Variants in CYLC1 observed in about 807,000 individuals in gnomAD.
CYLC1 encodes cylicin-1.
In CYLC1, 2 loss-of-function variants were observed where a neutral mutation model predicts 31.6. The ratio of observed to expected loss-of-function variants is 0.06; its 90% CI spans 0.03 to 0.20. The LOEUF is 0.20. Ranked by LOEUF, CYLC1 falls within the 10% of genes least tolerant of loss-of-function variation. The pLI, the probability that CYLC1 is intolerant of heterozygous loss-of-function variation, is 1.00. For synonymous variants in CYLC1, 185 were observed against 153.0 expected (o/e 1.21, Z -1.54); for missense variants, 595 against 424.1 (o/e 1.40, Z -3.54).
intron 1 of CYLC1, 41 bp downstream of exon 1, chrX:83,861,240 C>A (rs1216195829): frequency 2.1e-6 from 2 of 970,319 alleles, no homozygotes; most frequent in South Asian, 2.2e-5. Context: ...TTTTAAATAG[C>A]CAATATGCTC....
Position 83,876,173 on chromosome X carries a change from A to G in CYLC1, c.1923+1542A>G, listed in dbSNP as rs1482919054. On this transcript the variant is annotated intron_variant, in intron 4 of 4. Coordinates refer to ENST00000329312, the MANE Select transcript of CYLC1 (RefSeq NM_021118.3). ...TTGGAAGATAAAAACATCTTTTATC[A>G]CTCTCAGAAAGCCTGGGTTTCAAGT... Among the ~76,000 whole-genome samples the G allele has an allele frequency of 2.7e-5, 3 of 110,367 alleles. No homozygotes were observed. In the East Asian group the frequency reaches 8.5e-4, roughly 31 times the overall value.
intron 4 of CYLC1, among the ~76,000 whole-genome samples, chrX:83,877,909 A>T (rs868011996): frequency 9.5e-5 from 2 of 21,007 alleles, no homozygotes; most frequent in Non-Finnish European, 2.6e-4. Context: ...AATATATATA[A>T]ATATATATAT....
intron 4 of CYLC1, 51 bp from the exon 5 acceptor site, chrX:83,886,501 A>G: frequency 1.7e-6 from 2 of 1,146,679 alleles, no homozygotes; most frequent in Middle Eastern, 2.4e-4. Flanking sequence ...CTTGATTAAT[A>G]GACAAATAAA....
intron 2 of CYLC1, 141 bp downstream of exon 2, chrX:83,870,046 A>G (rs960593982): frequency 7.1e-6 from 2 of 282,107 alleles, no homozygotes; most frequent in Admixed American, 1.3e-4. Context: ...GCATGTATGC[A>G]TGATATTTAT....
chrX:83,864,033 A>G lies in CYLC1; in HGVS notation c.17+2834A>G, dbSNP rs185818490. ...CATTACACCAATATCTGCCTTCATCATCACATGGCATCCACGTTTTGTCTA... is the reference window on the plus strand; with the variant it reads ...CATTACACCAATATCTGCCTTCATCGTCACATGGCATCCACGTTTTGTCTA... On this transcript the variant is annotated intron_variant, in intron 1 of 4. Transcript: ENST00000329312. Among the ~76,000 whole-genome samples the G allele has an allele frequency of 5.8e-3, 651 of 111,352 alleles. 3 individuals are homozygous for G. Among genetic ancestry groups the G allele is most frequent in the African/African-American group, 0.021 (635 of 30,620 alleles).
intron 4 of CYLC1, among the ~76,000 whole-genome samples, chrX:83,877,363 C>T (rs778150445): frequency 1.8e-5 from 2 of 111,410 alleles, no homozygotes; most frequent in South Asian, 7.4e-4. Context: ...ATCTTCCAGC[C>T]TTGGCTTCCC....
chrX:83,882,996 G>A (rs1337466591), intron 4 of CYLC1, among the ~76,000 whole-genome samples: 1 of 110,004 alleles, frequency 9.1e-6, no homozygotes, highest in Non-Finnish European at 1.9e-5. Flanking sequence ...TTGTTCTTAG[G>A]TTCAAATATT....
At chrX:83,868,136 A>G (rs2031615625) in intron 1 of CYLC1, among the ~76,000 whole-genome samples, 1 of 111,215 alleles carries the variant, frequency 9.0e-6, no homozygotes, top group African/African-American at 3.2e-5. Flanking sequence ...GCAGGATTTC[A>G]CTCCAGATCA....
At chrX:83,881,943 A>G (rs2031914991) in intron 4 of CYLC1, among the ~76,000 whole-genome samples, 1 of 109,898 alleles carries the variant, frequency 9.1e-6, no homozygotes, top group African/African-American at 3.3e-5. Context: ...TGATCTGCCC[A>G]CCTCAGCCTC....
chrX:83,879,945 G>A (rs1291029091), intron 4 of CYLC1, among the ~76,000 whole-genome samples: 1 of 111,613 alleles, frequency 9.0e-6, no homozygotes, highest in Non-Finnish European at 1.9e-5. Flanking sequence ...ATATCTCATT[G>A]GTACTTTAAT....
intron 3 of CYLC1, 93 bp downstream of exon 3, chrX:83,871,663 A>C: frequency 2.4e-6 from 2 of 821,743 alleles, no homozygotes; most frequent in East Asian, 3.5e-5. Flanking sequence ...GAATTTTACT[A>C]CCTGTTGGAA....
At chrX:83,868,591 G>T (rs181044917) in intron 1 of CYLC1, among the ~76,000 whole-genome samples, 1 of 110,770 alleles carries the variant, frequency 9.0e-6, no homozygotes, top group African/African-American at 3.3e-5. Context: ...TGAAATGGTG[G>T]TCAAGAATCA....
intron 4 of CYLC1, among the ~76,000 whole-genome samples, chrX:83,881,145 T>C (rs1949563423): frequency 9.0e-6 from 1 of 111,166 alleles, no homozygotes; most frequent in South Asian, 3.8e-4. Flanking sequence ...TTGTTGTTGT[T>C]GTTGTTGTTG....
chrX:83,881,660 C>T (rs959633500), intron 4 of CYLC1, among the ~76,000 whole-genome samples: 4 of 109,724 alleles, frequency 3.6e-5, no homozygotes, highest in Non-Finnish European at 5.7e-5. Context: ...GAAACATTTT[C>T]GAGATCTTTG....
intron 4 of CYLC1, among the ~76,000 whole-genome samples, chrX:83,877,965 T>C (rs1483577125): frequency 1.2e-4 from 9 of 75,599 alleles, no homozygotes; most frequent in African/African-American, 4.5e-4. Flanking sequence ...TATAAATATA[T>C]ATATTTGTAT....
Position 83,871,579 on chromosome X carries a change from A to G in CYLC1, c.177+9A>G. On this transcript the variant is annotated intron_variant, in intron 3 of 4. Transcript: ENST00000329312. Reference sequence around the variant, plus strand: ...CACAAATAACAGTTACTGTAAGTATAGAAAAAGTCATTTTTAAAAACGAAA... The same window carrying G: ...CACAAATAACAGTTACTGTAAGTATGGAAAAAGTCATTTTTAAAAACGAAA... The G allele has an allele frequency of 1.7e-6, 2 of 1,174,581 alleles. No individual in the cohort carries two copies. The highest frequency in any genetic ancestry group is 2.3e-6 in the Non-Finnish European group (2 of 876,423).
chrX:83,883,072 C>T (rs1212362495), intron 4 of CYLC1, among the ~76,000 whole-genome samples: 2 of 111,293 alleles, frequency 1.8e-5, no homozygotes, highest in African/African-American at 6.5e-5. Context: ...TTTATTACTA[C>T]TATTACTGCC....
chrX:83,862,696 A>C (rs1214323846), intron 1 of CYLC1, among the ~76,000 whole-genome samples: 2 of 112,212 alleles, frequency 1.8e-5, no homozygotes, highest in Non-Finnish European at 3.8e-5. Flanking sequence ...TTAGATCACA[A>C]AGACCTTAGG....
At chrX:83,871,056 A>G (rs1284717295) in intron 2 of CYLC1, among the ~76,000 whole-genome samples, 5 of 103,585 alleles carry the variant, frequency 4.8e-5, no homozygotes, top group African/African-American at 1.7e-4. Flanking sequence ...CAGAAGTTAT[A>G]TTGTCTGCAA....
Sources: gnomAD v4.1 joint callset for allele counts (sites outside exome capture counted in the v4.1 genomes callset) on GRCh38, gnomAD v4.1.1 for gene constraint, MANE v1.5 for transcripts, NCBI Gene and HGNC (gene_info 2026-07-23, HGNC 2026-07-21) for gene names.